Variants in NETO1 observed in about 807,000 individuals in gnomAD.
NETO1 encodes neuropilin and tolloid-like protein 1.
Under a neutral mutation model 61.3 loss-of-function variants are expected in NETO1, and 26 were observed. The observed-to-expected ratio is 0.42, with a 90% CI of 0.31 to 0.59. The LOEUF (loss-of-function observed/expected upper bound fraction) is 0.59. Ranked by LOEUF, NETO1 falls within the 20% of genes least tolerant of loss-of-function variation. The pLI is 0.12. For missense variants in NETO1, 531 were observed against 662.8 expected (o/e 0.80, Z 2.18); for synonymous variants, 225 against 225.8 (o/e 1.00, Z 0.03).
At chr18:72,777,925 C>T (rs1436372087) in intron 7 of NETO1, among the ~76,000 whole-genome samples, 1 of 152,126 alleles carries the variant, frequency 6.6e-6, no homozygotes, top group African/African-American at 2.4e-5. Flanking sequence ...ATTCGGTTTG[C>T]CATTGTTAGT....
intron 7 of NETO1, among the ~76,000 whole-genome samples, chr18:72,759,356 G>A (rs2156106): frequency 0.29 from 44,808 of 152,044 alleles, 7,771 homozygotes; most frequent in South Asian, 0.4. Context: ...AATTTTTAAA[G>A]TTTTAAGAGT....
chr18:72,822,471 G>A (rs1035810203), intron 4 of NETO1, among the ~76,000 whole-genome samples: 4 of 152,204 alleles, frequency 2.6e-5, no homozygotes, highest in African/African-American at 9.6e-5. Flanking sequence ...GGGAGGCGGA[G>A]CAGGGAGCGG....
At chr18:72,765,418 TTC>T (rs1367887386) in intron 7 of NETO1, among the ~76,000 whole-genome samples, 1 of 151,310 alleles carries the variant, frequency 6.6e-6, no homozygotes, top group Non-Finnish European at 1.5e-5. Context: ...ACAATAAAAA[TTC>T]TTTTTTTTTT....
chr18:72,815,348 C>T (rs1002117766), intron 4 of NETO1, among the ~76,000 whole-genome samples: 1 of 151,960 alleles, frequency 6.6e-6, no homozygotes, highest in African/African-American at 2.4e-5. Context: ...CACATGACAC[C>T]AGAGTGAGAA....
intron 4 of NETO1, among the ~76,000 whole-genome samples, chr18:72,833,240 C>A (rs1218603397): frequency 6.6e-6 from 1 of 152,198 alleles, no homozygotes; most frequent in African/African-American, 2.4e-5. Flanking sequence ...CACTGCCAAG[C>A]TGTTTGAGTC....
At chr18:72,801,137 T>C (rs2145315187) in intron 4 of NETO1, among the ~76,000 whole-genome samples, 1 of 152,324 alleles carries the variant, frequency 6.6e-6, no homozygotes, top group East Asian at 1.9e-4. Context: ...CTACAGACTC[T>C]GTCTTTCTTC....
chr18:72,785,026 T>C (rs2071866067), intron 6 of NETO1, among the ~76,000 whole-genome samples: 1 of 152,186 alleles, frequency 6.6e-6, no homozygotes, highest in Admixed American at 6.5e-5. Context: ...CCTAGAATGG[T>C]TTCCTAATAA....
intron 7 of NETO1, among the ~76,000 whole-genome samples, chr18:72,774,284 A>G (rs1387574537): frequency 6.6e-6 from 1 of 152,198 alleles, no homozygotes; most frequent in Admixed American, 6.5e-5. Flanking sequence ...TAAACAAAGA[A>G]TAAGATTGGC....
chr18:72,776,485 G>T (rs2071552815), intron 7 of NETO1, among the ~76,000 whole-genome samples: 1 of 152,180 alleles, frequency 6.6e-6, no homozygotes, highest in Admixed American at 6.5e-5. Flanking sequence ...ATGCCATAAA[G>T]GGAGCAGCTT....
intron 4 of NETO1, among the ~76,000 whole-genome samples, chr18:72,804,001 C>A (rs978816177): frequency 4.6e-5 from 7 of 151,766 alleles, no homozygotes; most frequent in Non-Finnish European, 1.0e-4. Context: ...GTAAATAATG[C>A]CATTCTTCTA....
intron 9 of NETO1, among the ~76,000 whole-genome samples, chr18:72,749,670 G>A (rs1392341916): frequency 1.3e-5 from 2 of 151,988 alleles, no homozygotes; most frequent in Admixed American, 6.6e-5. Flanking sequence ...TAAGGCAATC[G>A]TTTTCAAATA....
chr18:72,858,404 C>T (rs946389547), intron 4 of NETO1, among the ~76,000 whole-genome samples: 2 of 152,096 alleles, frequency 1.3e-5, no homozygotes, highest in Non-Finnish European at 2.9e-5. Flanking sequence ...GATTGAAACA[C>T]GGTAATTTTC....
rs996899945 is a variant in NETO1, at chr18:72,850,783, C to A, written c.469+8043G>T. ...TCTCTTGTCAAGTGATACAATTTATCTTTAGGGAAATTTAGTGAGGGGTGT... is the reference window on the plus strand; with the variant it reads ...TCTCTTGTCAAGTGATACAATTTATATTTAGGGAAATTTAGTGAGGGGTGT... On this transcript the variant is annotated intron_variant, in intron 4 of 10. Transcript: ENST00000327305. 5.3e-5 allele frequency among the ~76,000 whole-genome samples: 8 copies of A among 152,152 alleles called. No homozygotes were observed. In the South Asian group the frequency reaches 1.0e-3, roughly 20 times the overall value.
chr18:72,827,039 T>G (rs906394172), intron 4 of NETO1, among the ~76,000 whole-genome samples: 3 of 151,506 alleles, frequency 2.0e-5, no homozygotes, highest in Admixed American at 2.0e-4. Flanking sequence ...CGGGGCAAAC[T>G]GGGTCTGCCC....
rs17727194 is a variant in NETO1, at chr18:72,816,446, C to T, written c.470-22042G>A. On this transcript the variant is annotated intron_variant, in intron 4 of 10. Transcript: ENST00000327305. ...GAGACCATTCAAAATGAAAAGAAGT[C>T]CCTAGCATTCCACCTCCTACAGTCA... Among the ~76,000 whole-genome samples the T allele has an allele frequency of 3.9e-5, 6 of 152,170 alleles. No individual in the cohort carries two copies. In the South Asian group the frequency reaches 1.0e-3, roughly 26 times the overall value.
chr18:72,766,737 T>C (rs188750607), intron 7 of NETO1, among the ~76,000 whole-genome samples: 2 of 152,298 alleles, frequency 1.3e-5, no homozygotes, highest in Admixed American at 6.5e-5. Flanking sequence ...CTGAGAGATA[T>C]TACATTAAGA....
chr18:72,750,692 G>T, intron 8 of NETO1, 72 bp from the exon 9 acceptor site: 1 of 1,065,998 alleles, frequency 9.4e-7, no homozygotes, highest in Non-Finnish European at 1.3e-6. Flanking sequence ...TAATATTATA[G>T]TCAAAATGTG....
chr18:72,752,309 G>A (rs543449594), intron 8 of NETO1, among the ~76,000 whole-genome samples: 21 of 152,186 alleles, frequency 1.4e-4, no homozygotes, highest in African/African-American at 3.4e-4. Context: ...GCAATCAGCC[G>A]GCAATTGGTG....
At chr18:72,774,922 A>G (rs2071495150) in intron 7 of NETO1, among the ~76,000 whole-genome samples, 1 of 152,166 alleles carries the variant, frequency 6.6e-6, no homozygotes, top group African/African-American at 2.4e-5. Flanking sequence ...TCAAGAAGAG[A>G]GTTCTCTTTA....
Sources: gnomAD v4.1 joint callset for allele counts (sites outside exome capture counted in the v4.1 genomes callset) on GRCh38, gnomAD v4.1.1 for gene constraint, MANE v1.5 for transcripts, NCBI Gene and HGNC (gene_info 2026-07-23, HGNC 2026-07-21) for gene names.